Variants in PTPRG observed in about 807,000 individuals in gnomAD.
The protein encoded by PTPRG is receptor-type tyrosine-protein phosphatase gamma.
In PTPRG, 102 loss-of-function variants were observed where a neutral mutation model predicts 165.3. That is an observed-to-expected ratio of 0.62 (90% CI 0.53 to 0.73). The LOEUF (loss-of-function observed/expected upper bound fraction) is 0.73. Ranked by LOEUF, PTPRG falls within the 30% of genes least tolerant of loss-of-function variation. The probability of loss-of-function intolerance (pLI) is 0.00; values close to 1 mark genes in which losing one functional copy is unlikely to be tolerated. For missense variants in PTPRG, 1,866 were observed against 1,861.4 expected, an observed-to-expected ratio of 1.00 and a Z score of -0.05; for synonymous variants, 675 against 669.5, an observed-to-expected ratio of 1.01 and a Z score of -0.13.
At chr3:62,201,583 C>A in intron 11 of PTPRG, 29 bp downstream of exon 11, 1 of 1,602,744 alleles carries the variant, frequency 6.2e-7, no homozygotes, top group South Asian at 1.1e-5. Flanking sequence ...ATTGCTTTGT[C>A]GTGGCTGGTT....
chr3:62,282,593 G>A (rs994316949), intron 27 of PTPRG, 134 bp from the exon 28 acceptor site: 10 of 804,318 alleles, frequency 1.2e-5, no homozygotes, highest in Non-Finnish European at 1.8e-5. Context: ...CTTCTTTCCA[G>A]CTGTGGTTTG....
chr3:62,160,660 G>A (rs1435637302), intron 7 of PTPRG, among the ~76,000 whole-genome samples: 2 of 152,232 alleles, frequency 1.3e-5, no homozygotes, highest in Non-Finnish European at 2.9e-5. Context: ...TTCTAGAATA[G>A]TGCTTCTCAG....
At position 62,198,741 on chromosome 3, in the gene PTPRG, G is replaced by A. The variant is rs570996322; in HGVS notation, c.1328-2764G>A. Among the ~76,000 whole-genome samples the A allele has an allele frequency of 2.2e-4, 33 of 152,300 alleles. 1 individual carries two copies. In the East Asian group the frequency reaches 4.6e-3, roughly 21 times the overall value. ...GCTCCAGTGATTTTTGAATAGTGAC[G>A]AACATCAATGATATTCCAAAATAGC... On this transcript the variant is annotated intron_variant, in intron 10 of 29. Coordinates refer to ENST00000474889, the MANE Select transcript of PTPRG (RefSeq NM_002841.4).
chr3:61,785,895 T>C (rs910457020), intron 2 of PTPRG, among the ~76,000 whole-genome samples: 2 of 152,102 alleles, frequency 1.3e-5, no homozygotes, highest in Non-Finnish European at 2.9e-5. Flanking sequence ...CTTAGGGAAG[T>C]AGGGCCACTT....
At chr3:61,621,033 G>GTATATATATATATATATATATA (rs368012442) in intron 1 of PTPRG, among the ~76,000 whole-genome samples, 2 of 129,988 alleles carry the variant, frequency 1.5e-5, no homozygotes, top group Non-Finnish European at 3.3e-5. Flanking sequence ...GTGTGTGTGT[G>GTATATATATATATATATATATA]TATATATATA....
At chr3:61,992,372 T>C (rs2040917672) in intron 3 of PTPRG, among the ~76,000 whole-genome samples, 1 of 152,188 alleles carries the variant, frequency 6.6e-6, no homozygotes, top group African/African-American at 2.4e-5. Context: ...GGTAGGTCTT[T>C]TTTTCTGAGA....
intron 16 of PTPRG, among the ~76,000 whole-genome samples, chr3:62,258,115 C>T (rs551656378): frequency 2.0e-5 from 3 of 152,116 alleles, no homozygotes; most frequent in Non-Finnish European, 2.9e-5. Flanking sequence ...GAACCCCCCC[C>T]ACTAGGAGTA....
chr3:62,220,528 C>G (rs1700626711), intron 13 of PTPRG, among the ~76,000 whole-genome samples: 1 of 152,124 alleles, frequency 6.6e-6, no homozygotes, highest in South Asian at 2.1e-4. Flanking sequence ...TCCTAATTGG[C>G]TGGAACAGAA....
intron 2 of PTPRG, among the ~76,000 whole-genome samples, chr3:61,940,676 A>AT (rs1207225031): frequency 2.2e-5 from 2 of 91,260 alleles, no homozygotes; most frequent in Non-Finnish European, 4.8e-5. Context: ...TTTATTTTTT[A>AT]TTTTTTTGAC....
At chr3:61,918,389 G>A (rs1368116243) in intron 2 of PTPRG, among the ~76,000 whole-genome samples, 2 of 152,026 alleles carry the variant, frequency 1.3e-5, no homozygotes, top group East Asian at 1.9e-4. Flanking sequence ...CACACACAGA[G>A]TATATGTACA....
At chr3:61,780,853 A>G (rs1226264108) in intron 2 of PTPRG, among the ~76,000 whole-genome samples, 2 of 152,234 alleles carry the variant, frequency 1.3e-5, no homozygotes, top group Non-Finnish European at 2.9e-5. Flanking sequence ...ATGTGTGCCT[A>G]TGTCCATATT....
chr3:61,736,470 ATCTG>A (rs1486062051), intron 1 of PTPRG, among the ~76,000 whole-genome samples: 1 of 151,088 alleles, frequency 6.6e-6, no homozygotes, highest in Non-Finnish European at 1.5e-5. Flanking sequence ...TCCCCCATTG[ATCTG>A]TCTAAGCAGT....
chr3:62,055,055 A>G (rs567473638), intron 4 of PTPRG, among the ~76,000 whole-genome samples: 29 of 152,314 alleles, frequency 1.9e-4, no homozygotes, highest in Non-Finnish European at 3.4e-4. Context: ...GTAGAATTAT[A>G]TCTCAAGTTT....
intron 1 of PTPRG, among the ~76,000 whole-genome samples, chr3:61,702,985 G>A (rs1249681710): frequency 6.6e-6 from 1 of 152,152 alleles, no homozygotes; most frequent in Non-Finnish European, 1.5e-5. Flanking sequence ...TCCCTCTGGT[G>A]CCTACCATAA....
intron 1 of PTPRG, among the ~76,000 whole-genome samples, chr3:61,593,927 T>G (rs888834867): frequency 6.6e-6 from 1 of 152,152 alleles, no homozygotes; most frequent in African/African-American, 2.4e-5. Context: ...TTCTCTTTTT[T>G]CCTTAATCAC....
At chr3:62,129,615 A>G (rs1576039388) in intron 5 of PTPRG, among the ~76,000 whole-genome samples, 1 of 152,302 alleles carries the variant, frequency 6.6e-6, no homozygotes, top group East Asian at 1.9e-4. Flanking sequence ...TCCCTCTAGC[A>G]ATAATGATGA....
intron 4 of PTPRG, among the ~76,000 whole-genome samples, chr3:62,037,314 T>C (rs1286858652): frequency 2.0e-5 from 3 of 152,198 alleles, no homozygotes; most frequent in African/African-American, 7.2e-5. Context: ...TCTCTTGATG[T>C]CATACTTCCT....
intron 2 of PTPRG, among the ~76,000 whole-genome samples, chr3:61,802,622 G>A (rs1559620105): frequency 6.6e-6 from 1 of 152,092 alleles, no homozygotes; most frequent in Admixed American, 6.5e-5. Flanking sequence ...TGTTAATTAT[G>A]TCCATTCTTT....
At chr3:61,631,379 G>A (rs1430043472) in intron 1 of PTPRG, among the ~76,000 whole-genome samples, 2 of 149,302 alleles carry the variant, frequency 1.3e-5, no homozygotes, top group Non-Finnish European at 2.9e-5. Flanking sequence ...AGTATATTTT[G>A]AGAGAGAGAG....
Sources: gnomAD v4.1 joint callset for allele counts (sites outside exome capture counted in the v4.1 genomes callset) on GRCh38, gnomAD v4.1.1 for gene constraint, MANE v1.5 for transcripts, NCBI Gene and HGNC (gene_info 2026-07-23, HGNC 2026-07-21) for gene names.